Variants in CADM1 observed in about 807,000 individuals in gnomAD.
CADM1 encodes the protein cell adhesion molecule 1.
A neutral mutation model predicts 53.1 loss-of-function variants in CADM1; 15 were observed. The ratio of observed to expected loss-of-function variants is 0.28; its 90% confidence interval spans 0.19 to 0.44. The LOEUF (loss-of-function observed/expected upper bound fraction) is 0.44, where lower values mean the gene tolerates loss of function less well. Ranked by LOEUF, CADM1 falls within the 20% of genes least tolerant of loss-of-function variation. CADM1 has a pLI of 1.00. For synonymous variants in CADM1, 281 were observed against 243.0 expected, an observed-to-expected ratio of 1.16 and a Z score of -1.45; for missense variants, 434 against 611.3, an observed-to-expected ratio of 0.71 and a Z score of 3.06.
At chr11:115,400,685 A>G (rs1364624036) in intron 1 of CADM1, among the ~76,000 whole-genome samples, 1,948 of 55,830 alleles carry the variant, frequency 0.035, 115 homozygotes, top group African/African-American at 0.081. Context: ...ATATATATAT[A>G]TATATATATA....
intron 1 of CADM1, among the ~76,000 whole-genome samples, chr11:115,302,769 G>A (rs1008847027): frequency 2.0e-5 from 3 of 152,072 alleles, no homozygotes; most frequent in Non-Finnish European, 4.4e-5. Context: ...GGTTCTCAAT[G>A]AAGGGAGATG....
intron 1 of CADM1, among the ~76,000 whole-genome samples, chr11:115,314,098 G>A (rs1216456508): frequency 1.3e-5 from 2 of 151,916 alleles, no homozygotes; most frequent in African/African-American, 2.4e-5. Context: ...GCATCTTCAA[G>A]GTCAACAAGT....
intron 1 of CADM1, among the ~76,000 whole-genome samples, chr11:115,450,823 T>C (rs1948555226): frequency 6.6e-6 from 1 of 152,230 alleles, no homozygotes; most frequent in African/African-American, 2.4e-5. Context: ...AAATGCTCCT[T>C]ACGTTACCAA....
intron 1 of CADM1, among the ~76,000 whole-genome samples, chr11:115,314,677 C>G (rs1944615666): frequency 6.6e-6 from 1 of 152,172 alleles, no homozygotes; most frequent in Admixed American, 6.6e-5. Flanking sequence ...TGTGCTCAGA[C>G]ACTCTTAAAA....
At chr11:115,390,390 A>C (rs934357805) in intron 1 of CADM1, among the ~76,000 whole-genome samples, 1 of 151,366 alleles carries the variant, frequency 6.6e-6, no homozygotes, top group African/African-American at 2.4e-5. Context: ...GGCAGGGAGG[A>C]GAGGGAGGAA....
rs1591291460 is a variant in CADM1, at chr11:115,482,048, A to G, written c.124+22223T>C. On this transcript the variant is annotated intron_variant, in intron 1 of 11. Coordinates refer to ENST00000331581, the MANE Select transcript of CADM1 (RefSeq NM_001301043.2). ...ATATTTTGGTGCTCCTTCAAAGGCT[A>G]TTCCCCTCAGCCATAGCAAACTATC... 4.6e-5 allele frequency among the ~76,000 whole-genome samples: 7 copies of G among 152,286 alleles called. No homozygotes were observed. In the South Asian group the frequency reaches 1.2e-3, roughly 27 times the overall value.
intron 1 of CADM1, among the ~76,000 whole-genome samples, chr11:115,421,322 GAA>G (rs1307048909): frequency 1.3e-5 from 2 of 152,240 alleles, no homozygotes; most frequent in Admixed American, 1.3e-4. Context: ...AATGAGGGAA[GAA>G]ATGATTCTTT....
intron 1 of CADM1, among the ~76,000 whole-genome samples, chr11:115,448,654 T>C (rs1228486303): frequency 8.3e-5 from 3 of 36,154 alleles, no homozygotes; most frequent in South Asian, 9.1e-4. Flanking sequence ...TAATGTGTGT[T>C]GGGGGGTAGG....
rs767282308 is a variant in CADM1 at position 115,169,637 on chromosome 11, GGA to G, written c.*6835_*6836del. The G allele has an allele frequency of 2.2e-5, 10 of 455,636 alleles. No homozygotes were observed. The highest frequency in any genetic ancestry group is 1.6e-4 in the South Asian group (10 of 64,450). 28.2% of individuals were successfully genotyped at this position (455,636 alleles called of 1,614,324 possible). ...TTAGAGAAAACAGGCCTAGAGAGAG[GGA>G]GAGAAAGAGAAAGAGAGAGAGATGG... On this transcript the variant is annotated 3_prime_UTR_variant, in exon 12 of 12. Coordinates refer to ENST00000331581, the MANE Select transcript of CADM1 (RefSeq NM_001301043.2).
intron 1 of CADM1, among the ~76,000 whole-genome samples, chr11:115,420,445 T>C (rs1257147154): frequency 6.6e-6 from 1 of 152,200 alleles, no homozygotes; most frequent in Non-Finnish European, 1.5e-5. Context: ...AATTGCATGT[T>C]TCTGCAGATG....
chr11:115,211,707 T>G (rs1407908452), intron 7 of CADM1, among the ~76,000 whole-genome samples: 1 of 151,354 alleles, frequency 6.6e-6, no homozygotes, highest in African/African-American at 2.4e-5. Context: ...GCCAGGCTGG[T>G]CTCAAACTCC....
chr11:115,202,997 T>G (rs1940506792), intron 8 of CADM1, among the ~76,000 whole-genome samples: 1 of 151,250 alleles, frequency 6.6e-6, no homozygotes, highest in African/African-American at 2.5e-5. Flanking sequence ...CAAACTCCCC[T>G]GTCTTAGGGA....
At chr11:115,209,277 G>A (rs1029904179) in intron 8 of CADM1, among the ~76,000 whole-genome samples, 2 of 152,290 alleles carry the variant, frequency 1.3e-5, no homozygotes, top group African/African-American at 4.8e-5. Flanking sequence ...AGCTATAGGC[G>A]TGTTCTCTAG....
chr11:115,364,415 A>G (rs1045611361), intron 1 of CADM1, among the ~76,000 whole-genome samples: 1 of 152,148 alleles, frequency 6.6e-6, no homozygotes, highest in Non-Finnish European at 1.5e-5. Flanking sequence ...ACTTGCTTAA[A>G]TCAATTCCTT....
At chr11:115,257,308 A>G (rs1342293910) in intron 1 of CADM1, among the ~76,000 whole-genome samples, 1 of 152,192 alleles carries the variant, frequency 6.6e-6, no homozygotes, top group Non-Finnish European at 1.5e-5. Context: ...TCATGAAATG[A>G]TTAAAAATAC....
chr11:115,243,724 G>C (rs555737613), intron 1 of CADM1, among the ~76,000 whole-genome samples: 1 of 152,262 alleles, frequency 6.6e-6, no homozygotes, highest in South Asian at 2.1e-4. Context: ...ATGACAATTA[G>C]GTAGCTACAA....
intron 1 of CADM1, among the ~76,000 whole-genome samples, chr11:115,303,660 C>G (rs1429556140): frequency 6.6e-6 from 1 of 151,996 alleles, no homozygotes; most frequent in East Asian, 1.9e-4. Context: ...CGTCACATCT[C>G]AATTTAGGAA....
intron 1 of CADM1, among the ~76,000 whole-genome samples, chr11:115,356,405 G>C (rs939562490): frequency 6.6e-6 from 1 of 151,918 alleles, no homozygotes; most frequent in Non-Finnish European, 1.5e-5. Context: ...AGGAGGAAAC[G>C]ACAAGTACCC....
chr11:115,268,264 T>G (rs761505143), intron 1 of CADM1, among the ~76,000 whole-genome samples: 1 of 152,194 alleles, frequency 6.6e-6, no homozygotes, highest in African/African-American at 2.4e-5. Context: ...CATTCTTGAT[T>G]TTTTACACTT....
Sources: allele counts gnomAD v4.1 joint callset (sites outside exome capture counted in the v4.1 genomes callset), GRCh38; gene constraint gnomAD v4.1.1; transcripts MANE v1.5; gene names NCBI Gene and HGNC (gene_info 2026-07-23, HGNC 2026-07-21).